Variants in MCTP1 observed in about 807,000 individuals in gnomAD.
The protein encoded by MCTP1 is multiple C2 and transmembrane domain containing 1, also known as multiple C2 and transmembrane domain-containing protein 1.
Under a neutral mutation model 120.6 loss-of-function variants are expected in MCTP1, and 69 were observed. That is an observed-to-expected ratio of 0.57 (90% CI 0.47 to 0.70). The LOEUF (loss-of-function observed/expected upper bound fraction) is 0.70. Among genes scored for constraint, MCTP1 ranks in the 30% least tolerant of loss-of-function variants. MCTP1 has a pLI of 0.00. For missense variants in MCTP1, 1,203 were observed against 1,248.8 expected (o/e 0.96, Z 0.55); for synonymous variants, 529 against 493.1 (o/e 1.07, Z -0.96).
intron 1 of MCTP1, among the ~76,000 whole-genome samples, chr5:95,028,308 A>T (rs767059868): frequency 6.6e-6 from 1 of 152,180 alleles, no homozygotes; most frequent in Non-Finnish European, 1.5e-5. Flanking sequence ...GAAAGCAGAA[A>T]AGGCCAATCC....
intron 10 of MCTP1, among the ~76,000 whole-genome samples, chr5:94,905,382 C>T (rs1200794714): frequency 6.6e-6 from 1 of 152,156 alleles, no homozygotes; most frequent in Non-Finnish European, 1.5e-5. Context: ...AGTTAAGTTA[C>T]TTTATTTTTG....
At chr5:94,905,037 G>A (rs1175967654) in intron 10 of MCTP1, among the ~76,000 whole-genome samples, 1 of 152,192 alleles carries the variant, frequency 6.6e-6, no homozygotes, top group African/African-American at 2.4e-5. Context: ...AGAAAAGCAG[G>A]TTCAATTTTA....
chr5:95,275,914 G>T (rs1378129393), intron 1 of MCTP1, among the ~76,000 whole-genome samples: 4 of 152,104 alleles, frequency 2.6e-5, no homozygotes, highest in African/African-American at 9.7e-5. Flanking sequence ...TAAGAAAGTG[G>T]GTGTGGATGT....
intron 1 of MCTP1, among the ~76,000 whole-genome samples, chr5:95,169,064 T>G: frequency 6.6e-6 from 1 of 152,228 alleles, no homozygotes; most frequent in East Asian, 1.9e-4. Context: ...TATTTTGAGA[T>G]ACCTCCCATC....
At chr5:94,910,480 T>G (rs955934201) in intron 9 of MCTP1, among the ~76,000 whole-genome samples, 2 of 152,142 alleles carry the variant, frequency 1.3e-5, no homozygotes, top group Non-Finnish European at 2.9e-5. Context: ...GCCTTTTCTC[T>G]TTTTAATGTA....
chr5:94,751,739 G>A (rs536283514), intron 19 of MCTP1, among the ~76,000 whole-genome samples: 26 of 152,214 alleles, frequency 1.7e-4, no homozygotes, highest in African/African-American at 6.3e-4. Context: ...TGCGCACAAT[G>A]CTGCATGAAG....
At chr5:95,133,100 T>C (rs1759171306) in intron 1 of MCTP1, among the ~76,000 whole-genome samples, 3 of 152,296 alleles carry the variant, frequency 2.0e-5, no homozygotes, top group East Asian at 3.9e-4. Context: ...ATTTAAGATT[T>C]GATCATAAAT....
chr5:94,855,380 T>G (rs1794536462), intron 17 of MCTP1, among the ~76,000 whole-genome samples: 1 of 151,778 alleles, frequency 6.6e-6, no homozygotes, highest in Non-Finnish European at 1.5e-5. Flanking sequence ...CTACTTCCTG[T>G]GACAATGAAC....
chr5:94,939,183 C>G (rs551207067), intron 5 of MCTP1, among the ~76,000 whole-genome samples: 1 of 152,100 alleles, frequency 6.6e-6, no homozygotes, highest in Admixed American at 6.6e-5. Context: ...TGTTGTAATT[C>G]ACTATTTTTA....
chr5:94,806,091 G>A (rs1782209107), intron 17 of MCTP1, among the ~76,000 whole-genome samples: 1 of 151,656 alleles, frequency 6.6e-6, no homozygotes, highest in African/African-American at 2.4e-5. Flanking sequence ...GCGGAAATGA[G>A]GTTTGTGGAG....
intron 18 of MCTP1, among the ~76,000 whole-genome samples, chr5:94,796,218 T>C (rs1247067768): frequency 6.6e-6 from 1 of 152,220 alleles, no homozygotes; most frequent in Non-Finnish European, 1.5e-5. Context: ...TGATTTTTCG[T>C]TTATAGTTTT....
rs183824910 is a variant in MCTP1, at chr5:94,960,292, C to T, written c.839-6931G>A. Among the ~76,000 whole-genome samples the T allele has an allele frequency of 1.7e-3, 262 of 152,150 alleles. 4 individuals carry two copies. Among genetic ancestry groups the T allele is most frequent in the Middle Eastern group, 0.017 (5 of 294 alleles). On this transcript the variant is annotated intron_variant, in intron 2 of 22. Coordinates refer to ENST00000515393, the MANE Select transcript of MCTP1 (RefSeq NM_024717.7). Reference sequence around the variant, plus strand: ...ACTCAGGATGGATGAAAGATTTAAACGTAAGACCTAAAATTATAAAAACCC... The same window carrying T: ...ACTCAGGATGGATGAAAGATTTAAATGTAAGACCTAAAATTATAAAAACCC...
intron 15 of MCTP1, 56 bp from the exon 16 acceptor site, chr5:94,870,547 T>G: frequency 8.0e-7 from 1 of 1,256,672 alleles, no homozygotes; most frequent in South Asian, 1.2e-5. Context: ...TGTTTACAAG[T>G]TTTTCACGCA....
chr5:95,202,163 C>T (rs1027537563), intron 1 of MCTP1, among the ~76,000 whole-genome samples: 5 of 151,954 alleles, frequency 3.3e-5, no homozygotes, highest in African/African-American at 9.7e-5. Context: ...TCAGGTAGAA[C>T]AAAAAAGGCA....
At chr5:94,810,310 G>A (rs1783146995) in intron 17 of MCTP1, among the ~76,000 whole-genome samples, 1 of 152,108 alleles carries the variant, frequency 6.6e-6, no homozygotes, top group African/African-American at 2.4e-5. Context: ...TCCCCTTTGT[G>A]TATATAAATG....
intron 2 of MCTP1, among the ~76,000 whole-genome samples, chr5:95,015,868 C>T (rs7708977): frequency 0.1 from 15,449 of 151,922 alleles, 956 homozygotes; most frequent in African/African-American, 0.17. Context: ...TTTCAAATTG[C>T]TGGGGGCATA....
chr5:94,795,936 A>T (rs1247230889), intron 18 of MCTP1, among the ~76,000 whole-genome samples: 1 of 152,210 alleles, frequency 6.6e-6, no homozygotes, highest in Non-Finnish European at 1.5e-5. Context: ...TAGAATAGGC[A>T]CCATGGTGGG....
At chr5:94,932,048 G>T in intron 5 of MCTP1, 57 bp from the exon 6 acceptor site, 1 of 1,244,952 alleles carries the variant, frequency 8.0e-7, no homozygotes, top group Non-Finnish European at 1.2e-6. Flanking sequence ...GAATAGGGCA[G>T]CCAGTTGTTT....
At chr5:95,206,788 G>T (rs888274526) in intron 1 of MCTP1, among the ~76,000 whole-genome samples, 1 of 151,980 alleles carries the variant, frequency 6.6e-6, no homozygotes, top group African/African-American at 2.4e-5. Flanking sequence ...CACCCCCCTC[G>T]GCCTCCCAAA....
Sources: allele counts gnomAD v4.1 joint callset (sites outside exome capture counted in the v4.1 genomes callset), GRCh38; gene constraint gnomAD v4.1.1; transcripts MANE v1.5; gene names NCBI Gene and HGNC (gene_info 2026-07-23, HGNC 2026-07-21).